The following MAP2K1 variants were observed in gnomAD, a reference collection of about 807,000 sequenced individuals.
MAP2K1 encodes mitogen-activated protein kinase kinase 1, also known as dual specificity mitogen-activated protein kinase kinase 1.
In MAP2K1, 16 loss-of-function variants were observed where a neutral mutation model predicts 46.3. The observed-to-expected ratio is 0.35, with a 90% confidence interval of 0.23 to 0.52. MAP2K1 has a LOEUF of 0.52. Ranked by LOEUF, MAP2K1 falls within the 20% of genes least tolerant of loss-of-function variation. The pLI is 0.94. For synonymous variants in MAP2K1, 183 were observed against 185.6 expected (o/e 0.99, Z 0.11); for missense variants, 263 against 497.1 (o/e 0.53, Z 4.48).
chr15:66,484,944 G>A (rs2140673323), intron 6 of MAP2K1, 46 bp from the exon 7 acceptor site: 2 of 1,506,864 alleles, frequency 1.3e-6, no homozygotes, highest in Non-Finnish European at 1.8e-6. Flanking sequence ...CAGACCCAGG[G>A]GTCCAAGTTA....
chr15:66,416,366 A>C (rs1217722007), intron 1 of MAP2K1, among the ~76,000 whole-genome samples: 2 of 147,840 alleles, frequency 1.4e-5, no homozygotes, highest in Admixed American at 1.4e-4. Context: ...CCAAACACAC[A>C]CACCCACCCA....
At chr15:66,464,246 TA>T (rs1375484436) in intron 5 of MAP2K1, among the ~76,000 whole-genome samples, 1 of 152,202 alleles carries the variant, frequency 6.6e-6, no homozygotes, top group East Asian at 1.9e-4. Flanking sequence ...AGCTCATTTT[TA>T]GCAGGTTGTG....
intron 1 of MAP2K1, 84 bp from the exon 2 acceptor site, chr15:66,434,943 G>C: frequency 1.1e-6 from 1 of 933,320 alleles, no homozygotes. Context: ...CCCAGACCTG[G>C]AGCTTTCTTT....
chr15:66,389,176 G>A (rs113615983), intron 1 of MAP2K1, among the ~76,000 whole-genome samples: 2,821 of 152,216 alleles, frequency 0.019, 42 homozygotes, highest in South Asian at 0.055. Context: ...AAAATGCTGG[G>A]ATTACAGGCA....
intron 5 of MAP2K1, 41 bp downstream of exon 5, chr15:66,444,748 A>T (rs1232183151): frequency 6.6e-7 from 1 of 1,513,830 alleles, no homozygotes; most frequent in Non-Finnish European, 9.2e-7. Context: ...TGAATTTTAG[A>T]TATAATCCAA....
Position 66,478,164 on chromosome 15 carries a change from C to T in MAP2K1, c.569-3591C>T, listed in dbSNP as rs182391765. Among the ~76,000 whole-genome samples, 657 of 151,602 alleles carry T rather than the reference C, an allele frequency of 4.3e-3. 4 individuals carry two copies. The highest frequency in any genetic ancestry group is 0.015 in the African/African-American group (628 of 41,326). ...GTTCACATCGTTGCTCAAATGTCCTCTCCTCACAGGGCCGTTCCTTGCCAC... is the reference window on the plus strand; with the variant it reads ...GTTCACATCGTTGCTCAAATGTCCTTTCCTCACAGGGCCGTTCCTTGCCAC... On this transcript the variant is annotated intron_variant, in intron 5 of 10. Coordinates refer to ENST00000307102, the MANE Select transcript of MAP2K1 (RefSeq NM_002755.4).
In MAP2K1 at chr15:66,453,613, T is replaced by C. The variant is rs900839957; in HGVS notation, c.568+8906T>C. ...AGAGAGCAGTCTCCTTGTCCCTGCC[T>C]ATGGGCTTCCTCATGGCCAGTTCTA... On this transcript the variant is annotated intron_variant, in intron 5 of 10. Transcript: ENST00000307102. The C allele has an allele frequency of 2.0e-5, 14 of 701,254 alleles. No homozygotes were observed. In the Admixed American group the frequency reaches 2.8e-4, roughly 14 times the overall value. 43.4% of individuals were successfully genotyped at this position (701,254 alleles called of 1,614,324 possible). A position where few individuals can be genotyped will look rare whatever the true frequency, so the allele number is the denominator to read the frequency against.
At chr15:66,462,451 C>T (rs983016587) in intron 5 of MAP2K1, among the ~76,000 whole-genome samples, 5 of 145,456 alleles carry the variant, frequency 3.4e-5, no homozygotes, top group Admixed American at 7.0e-5. Context: ...GAGCCGAGAT[C>T]GCACCAGTGC....
rs142553688 is a variant in MAP2K1 at position 66,399,636 on chromosome 15, G to A, written c.80+12209G>A. Among the ~76,000 whole-genome samples, 646 of 151,882 alleles carry A rather than the reference G, an allele frequency of 4.3e-3. 7 individuals are homozygous for A. Among genetic ancestry groups the A allele is most frequent in the African/African-American group, 0.015 (616 of 41,424 alleles). ...CACCCAGCTATTTTTTTTCACTCTC[G>A]CCCAGGCTGGAGTGCAGTGGCACGA... On this transcript the variant is annotated intron_variant, in intron 1 of 10. Transcript: ENST00000307102.
Position 66,454,894 on chromosome 15 carries a change from A to C in MAP2K1, c.568+10187A>C, listed in dbSNP as rs535874496. On this transcript the variant is annotated intron_variant, in intron 5 of 10. Transcript: ENST00000307102. ...TGAGACTCTGTCTCGAAAAAAAAAAACAAAAAAAGAAGGATCCAAGGGAAG... is the reference window on the plus strand; with the variant it reads ...TGAGACTCTGTCTCGAAAAAAAAAACCAAAAAAAGAAGGATCCAAGGGAAG... 2.0e-5 allele frequency among the ~76,000 whole-genome samples: 3 copies of C among 151,872 alleles called. No individual in the cohort carries two copies. The South Asian group carries it at 6.2e-4, about 32-fold the overall frequency.
intron 5 of MAP2K1, among the ~76,000 whole-genome samples, chr15:66,480,735 C>CA (rs1892894015): frequency 6.6e-6 from 1 of 151,810 alleles, no homozygotes; most frequent in African/African-American, 2.4e-5. Context: ...ATATAGACAC[C>CA]ATATAGGTTT....
At chr15:66,431,869 C>T (rs1288063127) in intron 1 of MAP2K1, among the ~76,000 whole-genome samples, 1 of 152,122 alleles carries the variant, frequency 6.6e-6, no homozygotes, top group Non-Finnish European at 1.5e-5. Flanking sequence ...TGACAGGCCC[C>T]AGTGTGTGTT....
chr15:66,387,208 C>A lies in MAP2K1; in HGVS notation c.-140C>A, dbSNP rs1595831001. 1 of 613,700 alleles carries A rather than the reference C, an allele frequency of 1.6e-6. No individual in the cohort carries two copies. 38.0% of individuals were successfully genotyped at this position (613,700 alleles called of 1,614,324 possible). Reference sequence around the variant, plus strand: ...GCCCCTCGGCGCTGACGGGACCGCGCGGGGCGCACCCGCTGAAGGCAGCCC... The same window carrying A: ...GCCCCTCGGCGCTGACGGGACCGCGAGGGGCGCACCCGCTGAAGGCAGCCC... On this transcript the variant is annotated 5_prime_UTR_variant, in exon 1 of 11. Transcript: ENST00000307102.
intron 4 of MAP2K1, among the ~76,000 whole-genome samples, chr15:66,443,962 G>A (rs1891789674): frequency 6.6e-6 from 1 of 152,214 alleles, no homozygotes; most frequent in Non-Finnish European, 1.5e-5. Context: ...AAGGGGCTGG[G>A]CGCGGTGGCT....
At chr15:66,481,636 C>A in intron 5 of MAP2K1, 119 bp from the exon 6 acceptor site, 2 of 1,155,058 alleles carry the variant, frequency 1.7e-6, no homozygotes, top group Non-Finnish European at 2.6e-6. Context: ...CCTCTGATGG[C>A]GGACGGGGGT....
chr15:66,458,726 G>A (rs982838635), intron 5 of MAP2K1, among the ~76,000 whole-genome samples: 7 of 152,076 alleles, frequency 4.6e-5, no homozygotes, highest in African/African-American at 1.7e-4. Flanking sequence ...TCTCTCTGTT[G>A]CCCAGGTTGG....
chr15:66,401,456 G>C (rs964871108), intron 1 of MAP2K1, among the ~76,000 whole-genome samples: 4 of 151,856 alleles, frequency 2.6e-5, no homozygotes, highest in African/African-American at 9.7e-5. Context: ...TTTAATTGTT[G>C]TATTTTTGAA....
chr15:66,488,637 A>G (rs1893134483), intron 8 of MAP2K1: 1 of 186,852 alleles, frequency 5.4e-6, no homozygotes, highest in African/African-American at 2.4e-5. Flanking sequence ...TACAGGTAAC[A>G]TTCTTCCAGA....
intron 6 of MAP2K1, among the ~76,000 whole-genome samples, chr15:66,484,181 C>T (rs1290662589): frequency 6.8e-6 from 1 of 147,344 alleles, no homozygotes; most frequent in Non-Finnish European, 1.5e-5. Flanking sequence ...AGTTTTCGCT[C>T]TTCTTGCCCA....
Sources: allele counts gnomAD v4.1 joint callset (sites outside exome capture counted in the v4.1 genomes callset), GRCh38; gene constraint gnomAD v4.1.1; transcripts MANE v1.5; gene names NCBI Gene and HGNC (gene_info 2026-07-23, HGNC 2026-07-21).